WNT2: variants seen among roughly 807,000 people sequenced by gnomAD.
WNT2 encodes the protein protein Wnt-2.
In WNT2, 12 loss-of-function variants were observed where a neutral mutation model predicts 36.9. The ratio of observed to expected loss-of-function variants is 0.33; its 90% confidence interval spans 0.21 to 0.53. The LOEUF is 0.53. Ranked by LOEUF, WNT2 falls within the 20% of genes least tolerant of loss-of-function variation. The pLI is 0.95. For missense variants in WNT2, 379 were observed against 473.1 expected (o/e 0.80, Z 1.84); for synonymous variants, 163 against 174.6 (o/e 0.93, Z 0.52).
chr7:117,286,407 CTT>C (rs1794580058), intron 4 of WNT2, among the ~76,000 whole-genome samples: 1 of 151,964 alleles, frequency 6.6e-6, no homozygotes, highest in Admixed American at 6.6e-5. Flanking sequence ...CTCAATCTCT[CTT>C]TCTCTCTCTC....
At chr7:117,304,098 C>T (rs372791287) in intron 3 of WNT2, among the ~76,000 whole-genome samples, 13 of 152,172 alleles carry the variant, frequency 8.5e-5, no homozygotes, top group Admixed American at 3.9e-4. Context: ...TTAACGTGGA[C>T]GCATTTTCTG....
chr7:117,310,704 C>T (rs1795105799), intron 3 of WNT2, among the ~76,000 whole-genome samples: 1 of 152,060 alleles, frequency 6.6e-6, no homozygotes, highest in African/African-American at 2.4e-5. Context: ...TCTTGTATCC[C>T]TCAACTTTAT....
At position 117,303,274 on chromosome 7, in the gene WNT2, G is replaced by A. The variant is rs145861760; in HGVS notation, c.589-5398C>T. 2.0e-3 allele frequency among the ~76,000 whole-genome samples: 297 copies of A among 152,254 alleles called. 1 individual carries two copies. The highest frequency in any genetic ancestry group is 6.8e-3 in the Middle Eastern group (2 of 294). On this transcript the variant is annotated intron_variant, in intron 3 of 4. Transcript: ENST00000265441. ...GGTTACAGCGGTGAAGAATTCCTGC[G>A]GCAGAAGCTGGCATTACATTTCTAA...
intron 3 of WNT2, among the ~76,000 whole-genome samples, chr7:117,311,012 A>C (rs963731178): frequency 3.5e-4 from 53 of 152,314 alleles, no homozygotes; most frequent in African/African-American, 1.3e-3. Context: ...ACCAAAACTG[A>C]TGCCTTTCCC....
At chr7:117,286,573 A>G (rs547517692) in intron 4 of WNT2, among the ~76,000 whole-genome samples, 1 of 152,304 alleles carries the variant, frequency 6.6e-6, no homozygotes, top group East Asian at 1.9e-4. Context: ...CTATTAGGGC[A>G]TAAACCAAGA....
At chr7:117,305,954 A>G (rs1201714470) in intron 3 of WNT2, among the ~76,000 whole-genome samples, 7 of 152,132 alleles carry the variant, frequency 4.6e-5, no homozygotes, top group Non-Finnish European at 1.0e-4. Flanking sequence ...TATTCCATCA[A>G]TGGAATTTTC....
chr7:117,320,843 C>A (rs1319583933), intron 1 of WNT2, 50 bp from the exon 2 acceptor site: 1 of 1,514,996 alleles, frequency 6.6e-7, no homozygotes, highest in Non-Finnish European at 9.0e-7. Context: ...AACAGGGAGG[C>A]CTGGCTCAGT....
chr7:117,278,430 T>C, intron 4 of WNT2, 46 bp from the exon 5 acceptor site: 1 of 1,558,836 alleles, frequency 6.4e-7, no homozygotes, highest in Non-Finnish European at 8.7e-7. Flanking sequence ...CTGGGTGGAA[T>C]CCAATATGCC....
rs761414650 is a variant in WNT2 at position 117,320,728 on chromosome 7, C to T, written c.149G>A (p.Ser50Asn). The change falls in exon 2 of 5, where the codon AGC becomes AAC. Residue 50 changes from serine to asparagine, a missense_variant. Physicochemically the swap from Ser to Asn is conservative, Grantham distance 46. Coordinates refer to ENST00000265441, the MANE Select transcript of WNT2 (RefSeq NM_003391.3). ...MCDNVPGLVS[S>N]QRQLCHRHPD... ...ATGTCGGTGACACAGCTGCCGCTGG[C>T]TGCTCACCAGGCCTGGCACATTATC... The T allele has an allele frequency of 7.4e-6, 12 of 1,613,826 alleles. No homozygotes were observed. Among genetic ancestry groups the T allele is most frequent in the Non-Finnish European group, 1.0e-5 (12 of 1,180,024 alleles).
At chr7:117,318,848 T>C (rs1680246556) in intron 2 of WNT2, among the ~76,000 whole-genome samples, 1 of 152,198 alleles carries the variant, frequency 6.6e-6, no homozygotes. Context: ...ATTCTACAGC[T>C]CTGAAGAAAA....
Position 117,275,547 on chromosome 7 carries a change from G to T in WNT2, c.*2608C>A, listed in dbSNP as rs1003823430. On this transcript the variant is annotated 3_prime_UTR_variant, in exon 5 of 5. Coordinates refer to ENST00000265441, the MANE Select transcript of WNT2 (RefSeq NM_003391.3). ...CAATTTATAGTAAGATTTTAATAAA[G>T]AGGGAATTTATAAGGGGATTTCCCA... Among the ~76,000 whole-genome samples the T allele has an allele frequency of 6.6e-6, 1 of 152,284 alleles. No homozygotes were observed. The highest frequency in any genetic ancestry group is 1.9e-4 in the East Asian group (1 of 5,180).
rs560386672 is a variant in WNT2, at chr7:117,276,238, C to T, written c.*1917G>A. 6.6e-6 allele frequency among the ~76,000 whole-genome samples: 1 copy of T among 152,348 alleles called. No homozygotes were observed. Among genetic ancestry groups the T allele is most frequent in the Admixed American group, 6.5e-5 (1 of 15,310 alleles). On this transcript the variant is annotated 3_prime_UTR_variant, in exon 5 of 5. Coordinates refer to ENST00000265441, the MANE Select transcript of WNT2 (RefSeq NM_003391.3). ...GAAACACAGCCTGGATTGATGATTT[C>T]ACAGTTCATCCAGCAGGAGGAAGGG...
Position 117,322,770 on chromosome 7 carries a change from A to G in WNT2, c.83+137T>C. On this transcript the variant is annotated intron_variant, in intron 1 of 4. Coordinates refer to ENST00000265441, the MANE Select transcript of WNT2 (RefSeq NM_003391.3). The surrounding 1 kb of genome is among the most constrained non-coding windows in gnomAD (Gnocchi z 5.4). Reference sequence around the variant, plus strand: ...AAGGGGCTCACCATGGGGCGATAAGAGGGCAGTAGCCAGGGTTCGGGCCAG... The same window carrying G: ...AAGGGGCTCACCATGGGGCGATAAGGGGGCAGTAGCCAGGGTTCGGGCCAG... The G allele has an allele frequency of 3.8e-6, 3 of 793,530 alleles. No homozygotes were observed. The South Asian group carries it at 4.4e-5, about 12-fold the overall frequency. The allele number at this position is 793,530 out of a possible 1,614,324, so 49.2% of individuals were successfully genotyped here. A position where few individuals can be genotyped will look rare whatever the true frequency, so the allele number is the denominator to read the frequency against.
At chr7:117,316,481 C>A (rs1201327497) in intron 2 of WNT2, among the ~76,000 whole-genome samples, 1 of 152,132 alleles carries the variant, frequency 6.6e-6, no homozygotes, top group African/African-American at 2.4e-5. Context: ...AACAGAGAAC[C>A]ATTTGGTGAT....
At position 117,277,838 on chromosome 7, in the gene WNT2, G is replaced by A. The variant is rs552786082; in HGVS notation, c.*317C>T. Reference sequence around the variant, plus strand: ...GCCAACTGCTCTAGAAAGAAGAAACGTCAAGGTGGGTGGAGACAGTGGTCT... The same window carrying A: ...GCCAACTGCTCTAGAAAGAAGAAACATCAAGGTGGGTGGAGACAGTGGTCT... On this transcript the variant is annotated 3_prime_UTR_variant, in exon 5 of 5. Coordinates refer to ENST00000265441, the MANE Select transcript of WNT2 (RefSeq NM_003391.3). 6.2e-5 allele frequency: 20 copies of A among 321,592 alleles called. No individual in the cohort carries two copies. Among genetic ancestry groups the A allele is most frequent in the South Asian group, 1.0e-4 (2 of 19,344 alleles). 19.9% of individuals were successfully genotyped at this position (321,592 alleles called of 1,614,324 possible).
chr7:117,305,526 A>G (rs950479256), intron 3 of WNT2, among the ~76,000 whole-genome samples: 2 of 152,152 alleles, frequency 1.3e-5, no homozygotes, highest in African/African-American at 4.8e-5. Flanking sequence ...ACGCTGCTGT[A>G]TTGAATCTAA....
chr7:117,308,887 AT>A (rs1315359966), intron 3 of WNT2, among the ~76,000 whole-genome samples: 1 of 152,078 alleles, frequency 6.6e-6, no homozygotes, highest in African/African-American at 2.4e-5. Flanking sequence ...CAAGGGATCA[AT>A]TTTTTAAAGT....
Position 117,320,598 on chromosome 7 carries a change from A to T in WNT2, c.279T>A (p.Asp93Glu), listed in dbSNP as rs1351823714. 1 of 1,613,878 alleles carries T rather than the reference A, an allele frequency of 6.2e-7. No individual in the cohort carries two copies. Among genetic ancestry groups the T allele is most frequent in the East Asian group, 2.2e-5 (1 of 44,850 alleles). The change falls in exon 2 of 5, where the codon GAT becomes GAA. Residue 93 changes from aspartate to glutamate, a missense_variant. By Grantham distance (45) the Asp-to-Glu change is conservative. Transcript: ENST00000265441. The stretch of plus-strand genomic sequence containing the variant: ...GTAGGACCCTGCCAAAAAGGCTGTG[A>T]TCCCTGTCCAGGGTGTTGCAATTCC... ...HRWNCNTLDR[D>E]HSLFGRVLLR...
At chr7:117,304,796 C>G (rs960298502) in intron 3 of WNT2, among the ~76,000 whole-genome samples, 5 of 152,204 alleles carry the variant, frequency 3.3e-5, no homozygotes, top group African/African-American at 9.7e-5. Context: ...AATTGGTCCT[C>G]TATGTCACTT....
Sources: gnomAD v4.1 joint callset for allele counts (sites outside exome capture counted in the v4.1 genomes callset) on GRCh38, gnomAD v4.1.1 for gene constraint, Gnocchi (gnomAD v3.1) non-coding constraint, MANE v1.5 for transcripts, NCBI Gene and HGNC (gene_info 2026-07-23, HGNC 2026-07-21) for gene names.